ITGB6: variants seen among roughly 807,000 people sequenced by gnomAD.
The protein encoded by ITGB6 is integrin subunit beta 6.
A neutral mutation model predicts 84.5 loss-of-function variants in ITGB6; 80 were observed. That is an observed-to-expected ratio of 0.95 (90% confidence interval 0.79 to 1.14). The LOEUF (loss-of-function observed/expected upper bound fraction) is 1.14, where lower values mean the gene tolerates loss of function less well. Ranked by LOEUF, ITGB6 falls within the 50% of genes most tolerant of loss-of-function variation. ITGB6 has a pLI of 0.00. For missense variants in ITGB6, 1,006 were observed against 968.0 expected (o/e 1.04, Z -0.52); for synonymous variants, 383 against 354.9 (o/e 1.08, Z -0.89).
In ITGB6 at chr2:160,126,495, C is replaced by G; in HGVS notation, c.1767G>C (p.Val589=). 1 of 1,614,194 alleles carries G rather than the reference C, an allele frequency of 6.2e-7. No individual in the cohort carries two copies. The highest frequency in any genetic ancestry group is 1.7e-5 in the Admixed American group (1 of 60,028). ...CACAGTCCCCGCGCCCGCTGCAGAG[C>G]ACTCCATCTTCAGAGACGCAGGAGT... is the stretch of plus-strand genomic sequence containing the variant. ...STDSCVSEDG[V]LCSGRGDCVC... The change falls in exon 11 of 15, where the codon GTG becomes GTC. Residue 589 remains valine (V), a synonymous_variant. Coordinates refer to ENST00000283249, the MANE Select transcript of ITGB6 (RefSeq NM_000888.5).
chr2:160,190,751 G>A (rs1321879475), intron 4 of ITGB6, among the ~76,000 whole-genome samples: 1 of 152,146 alleles, frequency 6.6e-6, no homozygotes, highest in African/African-American at 2.4e-5. Flanking sequence ...TTAAGGACAG[G>A]GTCTCATTGT....
In ITGB6 at chr2:160,141,957, A is replaced by G. The variant is rs201325788; in HGVS notation, c.1107+25T>C. The G allele has an allele frequency of 1.8e-5, 27 of 1,461,794 alleles. No homozygotes were observed. In the East Asian group the frequency reaches 6.2e-4, roughly 33 times the overall value. 90.6% of individuals were successfully genotyped at this position (1,461,794 alleles called of 1,614,324 possible). A position where few individuals can be genotyped will look rare whatever the true frequency, so the allele number is the denominator to read the frequency against. On this transcript the variant is annotated intron_variant, in intron 8 of 14. Coordinates refer to ENST00000283249, the MANE Select transcript of ITGB6 (RefSeq NM_000888.5). ...TTTGAATACCAAAGAAATGCAAAAA[A>G]GAAGCCAGCTGTAAAATATCCTACT... is the stretch of plus-strand genomic sequence containing the variant.
intron 2 of ITGB6, 48 bp from the exon 3 acceptor site, chr2:160,196,468 G>T (rs755969048): frequency 7.9e-5 from 118 of 1,489,952 alleles, no homozygotes; most frequent in Non-Finnish European, 1.0e-4. Flanking sequence ...AAACAAATCT[G>T]AATTTCTTTA....
chr2:160,155,397 G>T (rs1684587976), intron 7 of ITGB6, among the ~76,000 whole-genome samples: 1 of 152,102 alleles, frequency 6.6e-6, no homozygotes, highest in South Asian at 2.1e-4. Context: ...CATAATAATT[G>T]TACATAACTC....
At chr2:160,183,648 C>T (rs1042036633) in intron 4 of ITGB6, among the ~76,000 whole-genome samples, 3 of 152,150 alleles carry the variant, frequency 2.0e-5, no homozygotes, top group African/African-American at 4.8e-5. Flanking sequence ...AACTAATAGA[C>T]ATCTACAGAA....
At chr2:160,127,053 CA>C in intron 10 of ITGB6, among the ~76,000 whole-genome samples, 1 of 152,240 alleles carries the variant, frequency 6.6e-6, no homozygotes, top group South Asian at 2.1e-4. Context: ...TTAAGACTGA[CA>C]AAGCAGACTC....
chr2:160,149,190 C>T (rs1684311446), intron 7 of ITGB6, among the ~76,000 whole-genome samples: 1 of 152,202 alleles, frequency 6.6e-6, no homozygotes, highest in Non-Finnish European at 1.5e-5. Context: ...GAGACACCTC[C>T]CAGTAGGGGC....
chr2:160,136,508 C>G (rs1212433153), intron 10 of ITGB6, among the ~76,000 whole-genome samples: 2 of 152,136 alleles, frequency 1.3e-5, no homozygotes, highest in Non-Finnish European at 2.9e-5. Flanking sequence ...CCTCAGGGAT[C>G]TAGAACTAGA....
At chr2:160,199,384 T>C in intron 1 of ITGB6, 126 bp from the exon 2 acceptor site, 1 of 651,822 alleles carries the variant, frequency 1.5e-6, no homozygotes, top group African/African-American at 1.8e-5. Flanking sequence ...CCAAAATCAG[T>C]CCTCGAAATG....
intron 10 of ITGB6, among the ~76,000 whole-genome samples, chr2:160,135,392 T>G (rs58345805): frequency 0.062 from 9,187 of 147,792 alleles, 416 homozygotes; most frequent in African/African-American, 0.21. Context: ...CACTGCTCAA[T>G]GAAATAAAAG....
intron 7 of ITGB6, among the ~76,000 whole-genome samples, chr2:160,150,167 A>T (rs568869550): frequency 3.3e-5 from 5 of 152,326 alleles, no homozygotes; most frequent in Non-Finnish European, 7.3e-5. Flanking sequence ...AGATTCACCA[A>T]AGTTGAAATG....
At chr2:160,157,453 C>T (rs934962713) in intron 7 of ITGB6, among the ~76,000 whole-genome samples, 1 of 152,106 alleles carries the variant, frequency 6.6e-6, no homozygotes, top group Non-Finnish European at 1.5e-5. Context: ...TGTATAGCCA[C>T]GGTTCACTCT....
At chr2:160,115,691 G>T (rs529602485) in intron 12 of ITGB6, among the ~76,000 whole-genome samples, 160 of 152,302 alleles carry the variant, frequency 1.1e-3, no homozygotes, top group Non-Finnish European at 1.8e-3. Context: ...AGAGAAGAAG[G>T]CTCCAGACGA....
At chr2:160,176,221 C>A (rs1418741375) in intron 4 of ITGB6, among the ~76,000 whole-genome samples, 1 of 152,188 alleles carries the variant, frequency 6.6e-6, no homozygotes, top group African/African-American at 2.4e-5. Flanking sequence ...GGTCCACTTC[C>A]TCAGCTAACA....
At chr2:160,124,087 A>T (rs1559112182) in intron 11 of ITGB6, among the ~76,000 whole-genome samples, 199 bp from the exon 12 acceptor site, 1 of 152,246 alleles carries the variant, frequency 6.6e-6, no homozygotes, top group Non-Finnish European at 1.5e-5. Context: ...CTCAGTAATC[A>T]ATGTTCCCTG....
chr2:160,107,544 T>TC, intron 14 of ITGB6, 135 bp downstream of exon 14: 1 of 753,286 alleles, frequency 1.3e-6, no homozygotes, highest in Non-Finnish European at 2.2e-6. Flanking sequence ...ATCAAAGCTG[T>TC]TGGAGTCATG....
At chr2:160,189,856 A>T (rs907900929) in intron 4 of ITGB6, among the ~76,000 whole-genome samples, 1 of 152,192 alleles carries the variant, frequency 6.6e-6, no homozygotes, top group Non-Finnish European at 1.5e-5. Flanking sequence ...ATTACTGGGT[A>T]TATACCCAAA....
intron 7 of ITGB6, among the ~76,000 whole-genome samples, chr2:160,167,269 A>G (rs914896961): frequency 6.6e-6 from 1 of 152,216 alleles, no homozygotes; most frequent in African/African-American, 2.4e-5. Context: ...AGTTTTCATT[A>G]TCAATAAAAT....
intron 7 of ITGB6, among the ~76,000 whole-genome samples, chr2:160,156,872 G>T (rs116734626): frequency 6.6e-6 from 1 of 152,098 alleles, no homozygotes; most frequent in African/African-American, 2.4e-5. Context: ...GGCTATCTTC[G>T]ACTTGTGATG....
Sources: gnomAD v4.1 joint callset for allele counts (sites outside exome capture counted in the v4.1 genomes callset) on GRCh38, gnomAD v4.1.1 for gene constraint, MANE v1.5 for transcripts, NCBI Gene and HGNC (gene_info 2026-07-23, HGNC 2026-07-21) for gene names.